The following B3GALT1 variants were observed in gnomAD, a reference collection of about 807,000 sequenced individuals.
B3GALT1 encodes the protein UDP-Gal:betaGlcNAc beta 1,3-galactosyltransferase, polypeptide 1.
B3GALT1 carries 10 observed loss-of-function variants against 23.2 expected under a neutral mutation model. The ratio of observed to expected loss-of-function variants is 0.43; its 90% CI spans 0.27 to 0.73. B3GALT1 has a LOEUF of 0.73. Ranked by LOEUF, B3GALT1 falls within the 30% of genes least tolerant of loss-of-function variation. The pLI, the probability that B3GALT1 is intolerant of heterozygous loss-of-function variation, is 0.21. For synonymous variants in B3GALT1, 156 were observed against 141.5 expected (o/e 1.10, Z -0.73); for missense variants, 299 against 405.4 (o/e 0.74, Z 2.25).
At chr2:167,374,864 ATAT>A (rs1358146099) in intron 1 of B3GALT1, among the ~76,000 whole-genome samples, 1 of 151,722 alleles carries the variant, frequency 6.6e-6, no homozygotes, top group East Asian at 1.9e-4. Context: ...CCTCTTGTAA[ATAT>A]TTTTTTTTGT....
intron 1 of B3GALT1, among the ~76,000 whole-genome samples, chr2:167,325,697 G>GT (rs1696880850): frequency 9.3e-6 from 1 of 106,974 alleles, no homozygotes; most frequent in African/African-American, 3.6e-5. Flanking sequence ...TCTCCACCCT[G>GT]TTTTCTTTTT....
chr2:167,429,018 G>C (rs527419679), intron 1 of B3GALT1, among the ~76,000 whole-genome samples: 2 of 151,990 alleles, frequency 1.3e-5, no homozygotes, highest in Non-Finnish European at 2.9e-5. Context: ...GGTGGCTCAC[G>C]CCTGTAATCC....
At chr2:167,332,211 G>C (rs1352053531) in intron 1 of B3GALT1, among the ~76,000 whole-genome samples, 2 of 152,108 alleles carry the variant, frequency 1.3e-5, no homozygotes, top group Non-Finnish European at 2.9e-5. Flanking sequence ...GTGGACTGCT[G>C]GGGGCTCTCA....
chr2:167,677,642 C>G (rs1375750691), intron 3 of B3GALT1, among the ~76,000 whole-genome samples: 1 of 152,218 alleles, frequency 6.6e-6, no homozygotes, highest in Non-Finnish European at 1.5e-5. Flanking sequence ...GGCAGTTCAC[C>G]AAGTGCCTCA....
chr2:167,332,692 A>G (rs144239554), intron 1 of B3GALT1, among the ~76,000 whole-genome samples: 1 of 152,328 alleles, frequency 6.6e-6, no homozygotes, highest in East Asian at 1.9e-4. Flanking sequence ...AGGTATGCCC[A>G]AGTGGAGTCT....
chr2:167,584,651 TTGAC>T (rs1684555670), intron 2 of B3GALT1, among the ~76,000 whole-genome samples: 1 of 152,168 alleles, frequency 6.6e-6, no homozygotes, highest in South Asian at 2.1e-4. Flanking sequence ...TGTGATACTT[TTGAC>T]TGACTGGCTA....
At chr2:167,602,367 C>T (rs973975216) in intron 2 of B3GALT1, among the ~76,000 whole-genome samples, 1 of 152,236 alleles carries the variant, frequency 6.6e-6, no homozygotes, top group Non-Finnish European at 1.5e-5. Flanking sequence ...TTCCGGAGTA[C>T]TCAATACCTA....
chr2:167,394,023 A>G (rs546444556), intron 1 of B3GALT1, among the ~76,000 whole-genome samples: 6 of 152,230 alleles, frequency 3.9e-5, no homozygotes, highest in Non-Finnish European at 8.8e-5. Flanking sequence ...ATTTTGTTCC[A>G]GTTACCAGAG....
intron 2 of B3GALT1, among the ~76,000 whole-genome samples, chr2:167,506,350 CA>C (rs1217338810): frequency 6.6e-6 from 1 of 151,640 alleles, no homozygotes; most frequent in South Asian, 2.1e-4. Context: ...GACTTTGAAG[CA>C]AAAAGGAGAC....
At chr2:167,629,178 A>G (rs1332922943) in intron 2 of B3GALT1, among the ~76,000 whole-genome samples, 1 of 151,666 alleles carries the variant, frequency 6.6e-6, no homozygotes, top group Non-Finnish European at 1.5e-5. Flanking sequence ...GAATATCAGC[A>G]TACCTAATCA....
At chr2:167,456,438 C>A (rs1290085117) in intron 1 of B3GALT1, among the ~76,000 whole-genome samples, 1 of 152,176 alleles carries the variant, frequency 6.6e-6, no homozygotes, top group Non-Finnish European at 1.5e-5. Context: ...ATCCAAACCA[C>A]AACAGACCCC....
chr2:167,675,977 C>A (rs1314255433), intron 3 of B3GALT1, among the ~76,000 whole-genome samples: 1 of 151,628 alleles, frequency 6.6e-6, no homozygotes, highest in Non-Finnish European at 1.5e-5. Context: ...AAAGCAGCTC[C>A]CAGAAATGGT....
rs1312769318 is a variant in B3GALT1, at chr2:167,639,918, A to C, written c.-409-6991A>C. 2.0e-5 allele frequency among the ~76,000 whole-genome samples: 3 copies of C among 152,162 alleles called. No homozygotes were observed. In the East Asian group the frequency reaches 5.8e-4, roughly 29 times the overall value. ...AGACCCTACCAGGAGGAATGATGTC[A>C]CTTGTGAAAGTGGATCACAGAAAAT... On this transcript the variant is annotated intron_variant, in intron 2 of 4. Coordinates refer to ENST00000392690, the MANE Select transcript of B3GALT1 (RefSeq NM_020981.4).
intron 2 of B3GALT1, among the ~76,000 whole-genome samples, chr2:167,560,124 A>G (rs1172352538): frequency 2.0e-5 from 3 of 152,212 alleles, no homozygotes; most frequent in Non-Finnish European, 4.4e-5. Context: ...AAACTCTACA[A>G]GCCAGAAGAG....
At chr2:167,830,286 G>A (rs182853196) in intron 4 of B3GALT1, among the ~76,000 whole-genome samples, 36 of 152,050 alleles carry the variant, frequency 2.4e-4, no homozygotes, top group Non-Finnish European at 4.1e-4. Context: ...GGTCAGTAGC[G>A]GGCAGGCTGT....
chr2:167,862,337 G>A (rs535132721), intron 4 of B3GALT1, among the ~76,000 whole-genome samples: 7 of 152,302 alleles, frequency 4.6e-5, no homozygotes, highest in African/African-American at 7.2e-5. Flanking sequence ...CCAAAGGCTC[G>A]AGAACCAGAA....
chr2:167,863,236 GA>G (rs1690140182), intron 4 of B3GALT1, among the ~76,000 whole-genome samples: 2 of 151,908 alleles, frequency 1.3e-5, no homozygotes, highest in South Asian at 4.2e-4. Flanking sequence ...TTCTTAAGCA[GA>G]AAAACCTGTA....
chr2:167,838,706 C>T (rs1475676749), intron 4 of B3GALT1, among the ~76,000 whole-genome samples: 12 of 152,394 alleles, frequency 7.9e-5, no homozygotes, highest in African/African-American at 1.2e-4. Context: ...ATACCAAAGC[C>T]GGCCAGAGAC....
At chr2:167,399,023 C>A (rs1281189756) in intron 1 of B3GALT1, among the ~76,000 whole-genome samples, 1 of 152,162 alleles carries the variant, frequency 6.6e-6, no homozygotes, top group Non-Finnish European at 1.5e-5. Flanking sequence ...TTGAGCAGTT[C>A]TAGATATGGC....
Sources: gnomAD v4.1 joint callset for allele counts (sites outside exome capture counted in the v4.1 genomes callset) on GRCh38, gnomAD v4.1.1 for gene constraint, MANE v1.5 for transcripts, NCBI Gene and HGNC (gene_info 2026-07-23, HGNC 2026-07-21) for gene names.